NAALADL2: variants seen among roughly 807,000 people sequenced by gnomAD.
NAALADL2 encodes inactive N-acetylated-alpha-linked acidic dipeptidase-like protein 2.
In NAALADL2, 76 loss-of-function variants were observed where a neutral mutation model predicts 87.2. That is an observed-to-expected ratio of 0.87 (90% CI 0.72 to 1.05). The LOEUF (loss-of-function observed/expected upper bound fraction) is 1.05, where lower values mean the gene tolerates loss of function less well. NAALADL2 is among the 50% of genes least tolerant of loss of function. NAALADL2 has a pLI of 0.00. For synonymous variants in NAALADL2, 354 were observed against 331.0 expected, an observed-to-expected ratio of 1.07 and a Z score of -0.75; for missense variants, 1,089 against 945.8, an observed-to-expected ratio of 1.15 and a Z score of -1.99.
chr3:175,057,585 C>T (rs1371702153), intron 1 of NAALADL2, among the ~76,000 whole-genome samples: 1 of 152,182 alleles, frequency 6.6e-6, no homozygotes, highest in Non-Finnish European at 1.5e-5. Context: ...GCCAAGTAGA[C>T]TCATTAACAT....
chr3:175,748,543 C>G (rs1482790708), intron 12 of NAALADL2, among the ~76,000 whole-genome samples: 1 of 152,102 alleles, frequency 6.6e-6, no homozygotes, highest in Admixed American at 6.5e-5. Flanking sequence ...TTGTTAGCAC[C>G]TTTAAAACTG....
intron 2 of NAALADL2, among the ~76,000 whole-genome samples, chr3:174,704,035 A>G (rs1370991253): frequency 1.3e-5 from 2 of 152,226 alleles, no homozygotes; most frequent in African/African-American, 4.8e-5. Context: ...GGCATGGGGT[A>G]TGTGATCCTA....
chr3:174,825,298 C>CCT (rs148604812), intron 3 of NAALADL2, among the ~76,000 whole-genome samples: 13,480 of 152,230 alleles, frequency 0.089, 664 homozygotes, highest in Middle Eastern at 0.12. Context: ...CAGTCCAAGG[C>CCT]CTAAGGCCTG....
chr3:174,895,427 A>G (rs1292871096), intron 1 of NAALADL2, among the ~76,000 whole-genome samples: 1 of 152,178 alleles, frequency 6.6e-6, no homozygotes, highest in Non-Finnish European at 1.5e-5. Context: ...TGGAAAATCT[A>G]GCAGAAACTG....
intron 1 of NAALADL2, among the ~76,000 whole-genome samples, chr3:174,524,986 A>G (rs1720609115): frequency 6.6e-6 from 1 of 152,222 alleles, no homozygotes; most frequent in African/African-American, 2.4e-5. Context: ...TGCCTAGAGT[A>G]TTCAGTAGAG....
At chr3:174,791,438 A>G (rs746074687) in intron 3 of NAALADL2, among the ~76,000 whole-genome samples, 5 of 152,238 alleles carry the variant, frequency 3.3e-5, no homozygotes, top group Non-Finnish European at 7.3e-5. Context: ...GAAGGCATGT[A>G]TGAACACATA....
intron 1 of NAALADL2, among the ~76,000 whole-genome samples, chr3:174,974,879 A>G (rs1744162662): frequency 6.6e-6 from 1 of 152,124 alleles, no homozygotes; most frequent in Non-Finnish European, 1.5e-5. Context: ...ATGTGGTTAT[A>G]TGTCTAATCA....
At chr3:174,545,701 G>A (rs959434190) in intron 1 of NAALADL2, among the ~76,000 whole-genome samples, 2 of 151,642 alleles carry the variant, frequency 1.3e-5, no homozygotes, top group African/African-American at 4.8e-5. Context: ...TCTTTCCTGT[G>A]ATTTCTGTCT....
intron 6 of NAALADL2, among the ~76,000 whole-genome samples, chr3:175,455,534 A>G (rs1195938168): frequency 1.3e-5 from 2 of 152,204 alleles, no homozygotes; most frequent in East Asian, 3.9e-4. Flanking sequence ...CTAGTTACAT[A>G]ATTTTACTAA....
intron 11 of NAALADL2, chr3:175,655,396 A>T (rs1386511945): frequency 3.5e-6 from 1 of 286,454 alleles, no homozygotes; most frequent in Non-Finnish European, 7.1e-6. Context: ...GGAAATCTCT[A>T]AGAAAGTTTT....
intron 2 of NAALADL2, among the ~76,000 whole-genome samples, chr3:174,586,028 G>C (rs952752336): frequency 5.3e-5 from 8 of 152,170 alleles, no homozygotes; most frequent in African/African-American, 1.9e-4. Flanking sequence ...TAGAATAGTG[G>C]CTTGTACATA....
intron 2 of NAALADL2, among the ~76,000 whole-genome samples, chr3:174,597,951 C>T (rs1414417570): frequency 6.6e-6 from 1 of 152,120 alleles, no homozygotes; most frequent in Non-Finnish European, 1.5e-5. Context: ...ATCACTTTCT[C>T]TCTTGTATTG....
intron 3 of NAALADL2, among the ~76,000 whole-genome samples, chr3:174,845,131 TACCTAAGCACTGGGTTAATAA>T (rs1579174178): frequency 6.6e-6 from 1 of 152,192 alleles, no homozygotes; most frequent in African/African-American, 2.4e-5. Context: ...TGGGTCAATA[TACCTAAGCACTGGGTTAATAA>T]ACCTAAGCAC....
chr3:174,654,856 C>T (rs905475560), intron 2 of NAALADL2, among the ~76,000 whole-genome samples: 26 of 152,146 alleles, frequency 1.7e-4, no homozygotes, highest in Non-Finnish European at 3.4e-4. Flanking sequence ...CTGCCTCAGC[C>T]TCCTGAGTAT....
chr3:175,586,997 C>A (rs905653475), intron 10 of NAALADL2, among the ~76,000 whole-genome samples: 1 of 152,096 alleles, frequency 6.6e-6, no homozygotes, highest in Non-Finnish European at 1.5e-5. Flanking sequence ...TGATTTTGAA[C>A]AATCCAAATG....
chr3:174,746,330 A>G (rs1734246105), intron 3 of NAALADL2, among the ~76,000 whole-genome samples: 2 of 152,190 alleles, frequency 1.3e-5, no homozygotes, highest in Non-Finnish European at 2.9e-5. Context: ...CCCATTCACA[A>G]CTGCTACAAA....
At chr3:175,380,765 A>T (rs1274042400) in intron 5 of NAALADL2, among the ~76,000 whole-genome samples, 3 of 152,156 alleles carry the variant, frequency 2.0e-5, no homozygotes, top group Admixed American at 2.0e-4. Context: ...AGTATATATT[A>T]CAGATGCCAT....
chr3:174,926,357 G>T (rs1282407749), intron 1 of NAALADL2, among the ~76,000 whole-genome samples: 1 of 151,928 alleles, frequency 6.6e-6, no homozygotes, highest in Non-Finnish European at 1.5e-5. Context: ...TACAGAGAAC[G>T]CCACAAAGAT....
chr3:175,131,895 C>T (rs373399549), intron 2 of NAALADL2, among the ~76,000 whole-genome samples: 3 of 65,620 alleles, frequency 4.6e-5, no homozygotes, highest in African/African-American at 7.7e-5. Flanking sequence ...CCCTCCCAGA[C>T]GGGGCGGCTG....
Sources: gnomAD v4.1 joint callset for allele counts (sites outside exome capture counted in the v4.1 genomes callset) on GRCh38, gnomAD v4.1.1 for gene constraint, MANE v1.5 for transcripts, NCBI Gene and HGNC (gene_info 2026-07-23, HGNC 2026-07-21) for gene names.